The following ERBB4 variants were observed in gnomAD, a reference collection of about 807,000 sequenced individuals.
The protein encoded by ERBB4 is erb-b2 receptor tyrosine kinase 4.
ERBB4 carries 42 observed loss-of-function variants against 158.0 expected under a neutral mutation model. The observed-to-expected ratio is 0.27, with a 90% CI of 0.21 to 0.34. ERBB4 has a LOEUF of 0.34. Ranked by LOEUF, ERBB4 falls within the 10% of genes least tolerant of loss-of-function variation. The pLI is 1.00. For synonymous variants in ERBB4, 583 were observed against 558.7 expected (o/e 1.04, Z -0.61); for missense variants, 1,333 against 1,624.1 (o/e 0.82, Z 3.08).
intron 1 of ERBB4, among the ~76,000 whole-genome samples, chr2:212,344,822 A>G (rs567368128): frequency 4.7e-4 from 71 of 152,096 alleles, no homozygotes; most frequent in Non-Finnish European, 9.4e-4. Context: ...CCTAGAACAA[A>G]TCTAATTTTG....
chr2:211,417,593 A>T (rs1341346044), intron 25 of ERBB4, among the ~76,000 whole-genome samples: 3 of 152,224 alleles, frequency 2.0e-5, no homozygotes, highest in Non-Finnish European at 4.4e-5. Context: ...TTTCTGGACA[A>T]ATATAAACAT....
chr2:212,056,877 G>A (rs1242679767), intron 2 of ERBB4, among the ~76,000 whole-genome samples: 1 of 152,110 alleles, frequency 6.6e-6, no homozygotes, highest in Non-Finnish European at 1.5e-5. Context: ...CAACTAATGA[G>A]CAAAATAACC....
intron 3 of ERBB4, among the ~76,000 whole-genome samples, chr2:211,924,410 T>A (rs1347391941): frequency 6.6e-6 from 1 of 152,110 alleles, no homozygotes; most frequent in Non-Finnish European, 1.5e-5. Context: ...AAGCCCAGAC[T>A]TCACCACTAA....
chr2:212,419,528 T>G (rs190905725), intron 1 of ERBB4, among the ~76,000 whole-genome samples: 1 of 152,006 alleles, frequency 6.6e-6, no homozygotes, highest in Admixed American at 6.6e-5. Flanking sequence ...TGTATGTGTG[T>G]GTTTGTATAC....
chr2:212,052,995 G>A (rs1297508895), intron 2 of ERBB4, among the ~76,000 whole-genome samples: 1 of 152,096 alleles, frequency 6.6e-6, no homozygotes, highest in Non-Finnish European at 1.5e-5. Context: ...GACCAAATGT[G>A]GGGTTTCCAT....
chr2:211,639,200 G>A (rs2070477998), intron 16 of ERBB4, among the ~76,000 whole-genome samples: 1 of 151,956 alleles, frequency 6.6e-6, no homozygotes, highest in South Asian at 2.1e-4. Flanking sequence ...CTGTTATCTA[G>A]ATAGAATATA....
intron 1 of ERBB4, among the ~76,000 whole-genome samples, chr2:212,154,137 C>A (rs1025987461): frequency 6.6e-6 from 1 of 152,028 alleles, no homozygotes; most frequent in Admixed American, 6.6e-5. Flanking sequence ...CATTGATGGG[C>A]AAATGAATGA....
intron 5 of ERBB4, among the ~76,000 whole-genome samples, chr2:211,734,395 T>TA (rs2074531871): frequency 6.6e-6 from 1 of 152,138 alleles, no homozygotes; most frequent in South Asian, 2.1e-4. Flanking sequence ...TTTTGAAGAC[T>TA]AATTTGTCTC....
chr2:211,561,755 T>C (rs1028822411), intron 20 of ERBB4, 148 bp downstream of exon 20: 2 of 723,812 alleles, frequency 2.8e-6, no homozygotes, highest in African/African-American at 3.5e-5. Flanking sequence ...TACCTAAAAG[T>C]ACCTCTCTGT....
intron 1 of ERBB4, among the ~76,000 whole-genome samples, chr2:212,459,131 G>A (rs1029189042): frequency 4.6e-5 from 7 of 151,826 alleles, no homozygotes; most frequent in South Asian, 2.1e-4. Flanking sequence ...AAGGCTTTTG[G>A]GTTTTATATA....
chr2:212,505,577 C>T lies in ERBB4; in HGVS notation c.82+32872G>A, dbSNP rs184985906. Reference sequence around the variant, plus strand: ...CATCTTGCTGGCTATGCCAAAAAGGCGATGCCTCTTTATCTGAGCTATTTC... The same window carrying T: ...CATCTTGCTGGCTATGCCAAAAAGGTGATGCCTCTTTATCTGAGCTATTTC... On this transcript the variant is annotated intron_variant, in intron 1 of 27. Coordinates refer to ENST00000342788, the MANE Select transcript of ERBB4 (RefSeq NM_005235.3). Among the ~76,000 whole-genome samples the T allele has an allele frequency of 1.7e-3, 258 of 149,086 alleles. 21 individuals carry two copies. The South Asian group carries it at 0.023, about 13-fold the overall frequency.
At chr2:211,849,978 A>G (rs1204559628) in intron 3 of ERBB4, among the ~76,000 whole-genome samples, 1 of 151,982 alleles carries the variant, frequency 6.6e-6, no homozygotes, top group Non-Finnish European at 1.5e-5. Context: ...GTTTAAAAAT[A>G]TATACAGAAT....
chr2:211,881,173 C>T (rs911898389), intron 3 of ERBB4, among the ~76,000 whole-genome samples: 1 of 152,006 alleles, frequency 6.6e-6, no homozygotes, highest in Non-Finnish European at 1.5e-5. Context: ...AAACAAAGCA[C>T]ATAAAAGCAA....
intron 20 of ERBB4, among the ~76,000 whole-genome samples, chr2:211,441,705 T>G (rs1050638144): frequency 6.6e-6 from 1 of 152,158 alleles, no homozygotes; most frequent in South Asian, 2.1e-4. Flanking sequence ...ATTGCAATTA[T>G]GCCCTTCCAT....
intron 25 of ERBB4, among the ~76,000 whole-genome samples, chr2:211,405,512 G>T (rs547930828): frequency 4.6e-5 from 7 of 152,192 alleles, no homozygotes; most frequent in Admixed American, 1.3e-4. Context: ...CATAATCTCT[G>T]TGATTTCACT....
At chr2:212,054,290 C>A (rs1377257992) in intron 2 of ERBB4, among the ~76,000 whole-genome samples, 1 of 152,144 alleles carries the variant, frequency 6.6e-6, no homozygotes, top group Non-Finnish European at 1.5e-5. Context: ...AAACAGCCTG[C>A]CTTCTCTCTG....
At chr2:211,723,940 C>G (rs2106126967) in intron 6 of ERBB4, among the ~76,000 whole-genome samples, 1 of 152,292 alleles carries the variant, frequency 6.6e-6, no homozygotes, top group South Asian at 2.1e-4. Context: ...TAATTTGAAG[C>G]TCACTCAGCA....
intron 1 of ERBB4, among the ~76,000 whole-genome samples, chr2:212,291,130 A>G (rs1559939511): frequency 2.0e-5 from 3 of 152,142 alleles, no homozygotes; most frequent in Non-Finnish European, 4.4e-5. Flanking sequence ...ATGTAGGCAG[A>G]GTATGTGAAC....
At chr2:211,844,188 A>T (rs946845131) in intron 3 of ERBB4, among the ~76,000 whole-genome samples, 1 of 152,166 alleles carries the variant, frequency 6.6e-6, no homozygotes, top group Non-Finnish European at 1.5e-5. Context: ...AGTAATATTT[A>T]TTAATCATTA....
Sources: gnomAD v4.1 joint callset for allele counts (sites outside exome capture counted in the v4.1 genomes callset) on GRCh38, gnomAD v4.1.1 for gene constraint, MANE v1.5 for transcripts, NCBI Gene and HGNC (gene_info 2026-07-23, HGNC 2026-07-21) for gene names.